TATDN1: variants seen among roughly 807,000 people sequenced by gnomAD.
TATDN1 encodes deoxyribonuclease TATDN1.
TATDN1 carries 40 observed loss-of-function variants against 46.4 expected under a neutral mutation model. The ratio of observed to expected loss-of-function variants is 0.86; its 90% CI spans 0.67 to 1.12. The LOEUF is 1.12. Ranked by LOEUF, TATDN1 falls within the 50% of genes most tolerant of loss-of-function variation. TATDN1 has a pLI of 0.00. For missense variants in TATDN1, 326 were observed against 348.4 expected (o/e 0.94, Z 0.51); for synonymous variants, 95 against 105.6 (o/e 0.90, Z 0.62).
At chr8:124,524,230 G>C (rs1820293505) in intron 1 of TATDN1, among the ~76,000 whole-genome samples, 6 of 152,160 alleles carry the variant, frequency 3.9e-5, no homozygotes, top group Admixed American at 2.6e-4. Context: ...AGTATTCCAG[G>C]CATTTGAAAC....
intron 6 of TATDN1, among the ~76,000 whole-genome samples, chr8:124,509,385 C>T (rs756964095): frequency 1.4e-4 from 22 of 152,176 alleles, no homozygotes; most frequent in Non-Finnish European, 2.6e-4. Context: ...CCAGCCTAAA[C>T]GACAAAAACC....
chr8:124,505,493 G>A (rs1210617597), intron 8 of TATDN1, among the ~76,000 whole-genome samples: 2 of 149,984 alleles, frequency 1.3e-5, no homozygotes, highest in South Asian at 2.1e-4. Context: ...TTGGGAGGCC[G>A]AGGTAGGCAG....
At chr8:124,536,073 C>G (rs1487910929) in intron 1 of TATDN1, among the ~76,000 whole-genome samples, 1 of 152,174 alleles carries the variant, frequency 6.6e-6, no homozygotes, top group Admixed American at 6.5e-5. Context: ...TTGTATTTTG[C>G]ATTTTCTTCT....
chr8:124,504,653 T>C (rs1818246444), intron 8 of TATDN1: 2 of 206,374 alleles, frequency 9.7e-6, no homozygotes, highest in Non-Finnish European at 1.9e-5. Flanking sequence ...GGAATAGATA[T>C]ATTCTTAGGC....
Position 124,518,806 on chromosome 8 carries a change from A to G in TATDN1, c.202+12T>C, listed in dbSNP as rs73340074. ...ATTCATTTTTTTTTTGGTAAAAGAA[A>G]TATGAGGATACCATTTGTTTGTGCC... On this transcript the variant is annotated intron_variant, in intron 4 of 11. Coordinates refer to ENST00000276692, the MANE Select transcript of TATDN1 (RefSeq NM_032026.4). The G allele has an allele frequency of 2.7e-4, 438 of 1,600,356 alleles. 1 individual carries two copies. In the African/African-American group the frequency reaches 5.3e-3, roughly 20 times the overall value.
At chr8:124,515,657 T>A (rs2131473263) in intron 6 of TATDN1, 89 bp downstream of exon 6, 1 of 1,297,966 alleles carries the variant, frequency 7.7e-7, no homozygotes, top group South Asian at 1.3e-5. Flanking sequence ...TCCTCATGCT[T>A]AATCCAACTA....
At position 124,527,455 on chromosome 8, in the gene TATDN1, T is replaced by C. The variant is rs1329625967; in HGVS notation, c.23-4453A>G. Among the ~76,000 whole-genome samples the C allele has an allele frequency of 2.0e-5, 3 of 152,214 alleles. 1 individual carries two copies. Among genetic ancestry groups the C allele is most frequent in the South Asian group, 4.2e-4 (2 of 4,814 alleles). ...GGAGTCTGGCTGTGGTGTCAGGTGGTTGGCTGAAGTCAGCAGAGGAGTGAG... is the reference window on the plus strand; with the variant it reads ...GGAGTCTGGCTGTGGTGTCAGGTGGCTGGCTGAAGTCAGCAGAGGAGTGAG... On this transcript the variant is annotated intron_variant, in intron 1 of 11. Transcript: ENST00000276692.
chr8:124,516,430 G>A (rs545714011), intron 4 of TATDN1, among the ~76,000 whole-genome samples: 4 of 151,450 alleles, frequency 2.6e-5, no homozygotes, highest in South Asian at 2.1e-4. Context: ...AGCCTCCCAC[G>A]TAACTGGGGC....
intron 4 of TATDN1, among the ~76,000 whole-genome samples, chr8:124,516,625 T>C (rs1819497467): frequency 6.6e-6 from 1 of 152,074 alleles, no homozygotes; most frequent in East Asian, 1.9e-4. Context: ...TTATCTTTTA[T>C]ATTCACCATT....
Position 124,518,841 on chromosome 8 carries a change from G to C in TATDN1, c.179C>G (p.Ala60Gly). Residue 60 changes from alanine to glycine, a missense_variant, in exon 4 of 12, where the codon GCA becomes GGA. Ala to Gly is a moderately conservative substitution (Grantham distance 60, BLOSUM62 0). Coordinates refer to ENST00000276692, the MANE Select transcript of TATDN1 (RefSeq NM_032026.4). ...TGGNLQDSKD[A>G]LHLAQTNGMF... Reference sequence around the variant, plus strand: ...ACCATTTGTTTGTGCCAAATGCAGTGCATCTTTACTGTCTTGTAGATTTCC... The same window carrying C: ...ACCATTTGTTTGTGCCAAATGCAGTCCATCTTTACTGTCTTGTAGATTTCC... The C allele has an allele frequency of 6.2e-7, 1 of 1,610,818 alleles. No homozygotes were observed. Among genetic ancestry groups the C allele is most frequent in the Non-Finnish European group, 8.5e-7 (1 of 1,177,780 alleles).
intron 5 of TATDN1, 43 bp from the exon 6 acceptor site, chr8:124,515,831 G>C: frequency 5.0e-6 from 8 of 1,613,298 alleles, no homozygotes; most frequent in Non-Finnish European, 6.8e-6. Flanking sequence ...AACTTATACA[G>C]AACAAATTAC....
intron 6 of TATDN1, among the ~76,000 whole-genome samples, chr8:124,513,266 A>G (rs1387508755): frequency 6.6e-6 from 1 of 152,142 alleles, no homozygotes; most frequent in Non-Finnish European, 1.5e-5. Flanking sequence ...AAAAATCTCA[A>G]GTAGAACTGC....
chr8:124,504,947 G>A (rs1283759489), intron 8 of TATDN1, among the ~76,000 whole-genome samples: 2 of 149,894 alleles, frequency 1.3e-5, no homozygotes, highest in South Asian at 4.2e-4. Flanking sequence ...TAGAGATGGG[G>A]TTTCTCCATG....
chr8:124,531,307 G>C (rs1441912015), intron 1 of TATDN1, among the ~76,000 whole-genome samples: 1 of 152,190 alleles, frequency 6.6e-6, no homozygotes, highest in African/African-American at 2.4e-5. Context: ...ATGGACTGCA[G>C]AATCAGTAAT....
At chr8:124,524,935 G>T (rs547368483) in intron 1 of TATDN1, among the ~76,000 whole-genome samples, 1 of 152,150 alleles carries the variant, frequency 6.6e-6, no homozygotes, top group East Asian at 1.9e-4. Context: ...GATGAGAAAG[G>T]TCTATAGGTC....
At chr8:124,496,002 C>T (rs977552969) in intron 9 of TATDN1, among the ~76,000 whole-genome samples, 25 of 152,206 alleles carry the variant, frequency 1.6e-4, no homozygotes, top group African/African-American at 5.8e-4. Context: ...TTGAATCTGG[C>T]GTTGGCCTCA....
At chr8:124,503,746 TGA>T (rs2131395485) in intron 9 of TATDN1, 1 of 422,842 alleles carries the variant, frequency 2.4e-6, no homozygotes, top group African/African-American at 2.0e-5. Context: ...CTGACTGTAC[TGA>T]GTGTGTGAAG....
chr8:124,535,277 C>G (rs144795843), intron 1 of TATDN1, among the ~76,000 whole-genome samples: 2 of 152,176 alleles, frequency 1.3e-5, no homozygotes, highest in African/African-American at 4.8e-5. Flanking sequence ...AGAACACACA[C>G]GTATTTACTA....
chr8:124,506,532 C>A (rs1181013873), intron 8 of TATDN1, among the ~76,000 whole-genome samples: 1 of 151,898 alleles, frequency 6.6e-6, no homozygotes, highest in Non-Finnish European at 1.5e-5. Context: ...GAAAAAATTA[C>A]AGAGTTAGTA....
Sources: gnomAD v4.1 joint callset for allele counts (sites outside exome capture counted in the v4.1 genomes callset) on GRCh38, gnomAD v4.1.1 for gene constraint, MANE v1.5 for transcripts, NCBI Gene and HGNC (gene_info 2026-07-23, HGNC 2026-07-21) for gene names.